The following NGFR variants were observed in gnomAD, a reference collection of about 807,000 sequenced individuals.
NGFR encodes the protein tumor necrosis factor receptor superfamily member 16.
NGFR carries 30 observed loss-of-function variants against 43.2 expected under a neutral mutation model. That is an observed-to-expected ratio of 0.69 (90% confidence interval 0.52 to 0.94). The LOEUF is 0.94. NGFR is among the 40% of genes least tolerant of loss of function. The probability of loss-of-function intolerance (pLI) is 0.00; values close to 1 mark genes in which losing one functional copy is unlikely to be tolerated. For missense variants in NGFR, 529 were observed against 602.5 expected (o/e 0.88, Z 1.28); for synonymous variants, 246 against 259.6 (o/e 0.95, Z 0.50).
chr17:49,512,941 C>T lies in NGFR; in HGVS notation c.1216C>T (p.Arg406Cys), dbSNP rs781290958. ...ATLDALLAAL[R>C]RIQRADLVES... The stretch of plus-strand genomic sequence containing the variant: ...ACTGGACGCCCTCCTGGCCGCCCTG[C>T]GCCGCATCCAGCGAGCCGACCTCGT... Residue 406 changes from arginine (R) to cysteine (C), a missense_variant, in exon 6 of 6, where the codon CGC (arginine) becomes TGC (cysteine). Transcript: ENST00000172229. This position sits in a 1 kb window ranked among gnomAD's most constrained non-coding sequence, Gnocchi z 5.2. 8 of 1,610,502 alleles carry T rather than the reference C, an allele frequency of 5.0e-6. No individual in the cohort carries two copies. The East Asian group carries it at 8.9e-5, about 18-fold the overall frequency.
At chr17:49,499,437 C>T (rs1358933618) in intron 1 of NGFR, among the ~76,000 whole-genome samples, 1 of 152,234 alleles carries the variant, frequency 6.6e-6, no homozygotes, top group Non-Finnish European at 1.5e-5. Flanking sequence ...GATGCAGGTA[C>T]TGTCATCATT....
In NGFR at chr17:49,512,944, C is replaced by G. The variant is rs769758241; in HGVS notation, c.1219C>G (p.Arg407Gly). ...GGACGCCCTCCTGGCCGCCCTGCGC[C>G]GCATCCAGCGAGCCGACCTCGTGGA... ...TLDALLAALRRIQRADLVESL... is the reference protein window; with the variant it reads ...TLDALLAALRGIQRADLVESL... The change falls in exon 6 of 6, where the codon CGC becomes GGC. Residue 407 changes from arginine (R) to glycine (G), a missense_variant. Physicochemically the swap from Arg to Gly is moderately radical, Grantham distance 125 (BLOSUM62 -2). Transcript: ENST00000172229. This position sits in a 1 kb window ranked among gnomAD's most constrained non-coding sequence, Gnocchi z 5.2. 6.2e-7 allele frequency: 1 copy of G among 1,610,200 alleles called. No individual in the cohort carries two copies. Among genetic ancestry groups the G allele is most frequent in the African/African-American group, 1.3e-5 (1 of 74,852 alleles).
intron 4 of NGFR, 118 bp downstream of exon 4, chr17:49,510,782 T>C (rs747199258): frequency 7.7e-7 from 1 of 1,297,132 alleles, no homozygotes; most frequent in Non-Finnish European, 1.1e-6. Flanking sequence ...ACCAAGCTCA[T>C]CCTCACTCAT....
In NGFR at chr17:49,506,218, T is replaced by C. The variant is rs190345815; in HGVS notation, c.209-81T>C. The C allele has an allele frequency of 1.3e-4, 193 of 1,494,076 alleles. No homozygotes were observed. The East Asian group carries it at 4.3e-3, about 33-fold the overall frequency. 92.6% of individuals were successfully genotyped at this position (1,494,076 alleles called of 1,614,324 possible). On this transcript the variant is annotated intron_variant, in intron 2 of 5. Coordinates refer to ENST00000172229, the MANE Select transcript of NGFR (RefSeq NM_002507.4). ...AGGAAGTCAGCGTCCTGGCAGGCAA[T>C]AGGGGAGGGAGAGACTCCAGCTCCT...
Position 49,506,349 on chromosome 17 carries a change from A to C in NGFR, c.259A>C (p.Thr87Pro). Reference protein sequence around the residue: ...VSATEPCKPCTECVGLQSMSA... With the variant: ...VSATEPCKPCPECVGLQSMSA... ...CGCGACCGAGCCGTGCAAGCCGTGC[A>C]CCGAGTGCGTGGGGCTCCAGAGCAT... The change falls in exon 3 of 6, where the codon ACC becomes CCC. Residue 87 changes from threonine (T) to proline (P), a missense_variant. Thr to Pro is a conservative substitution (Grantham distance 38, BLOSUM62 -1). Transcript: ENST00000172229. The C allele has an allele frequency of 1.3e-6, 2 of 1,592,244 alleles. No individual in the cohort carries two copies. The highest frequency in any genetic ancestry group is 1.7e-6 in the Non-Finnish European group (2 of 1,171,592).
rs368746503 is a variant in NGFR, at chr17:49,506,495, G to C, written c.405G>C (p.Val135=). The C allele has an allele frequency of 5.0e-5, 81 of 1,611,120 alleles. No homozygotes were observed. Among genetic ancestry groups the C allele is most frequent in the Non-Finnish European group, 6.1e-5 (72 of 1,179,488 alleles). ...TGTGCGAGGCGGGCTCGGGCCTCGT[G>C]TTCTCCTGCCAGGACAAGCAGAACA... ...CRVCEAGSGL[V]FSCQDKQNTV... Residue 135 remains valine (V), a synonymous_variant, in exon 3 of 6, where the codon GTG becomes GTC. Coordinates refer to ENST00000172229, the MANE Select transcript of NGFR (RefSeq NM_002507.4).
Position 49,502,087 on chromosome 17 carries a change from G to A in NGFR, c.91G>A (p.Ala31Thr). Residue 31 changes from alanine to threonine, a missense_variant, in exon 2 of 6, where the codon GCA (alanine) becomes ACA (threonine). Coordinates refer to ENST00000172229, the MANE Select transcript of NGFR (RefSeq NM_002507.4). ...LGVSLGGAKE[A>T]CPTGLYTHSG... ...GGTGTCCCTTGGAGGTGCCAAGGAG[G>A]CATGCCCCACAGGCCTGTACACACA... 1 of 1,591,708 alleles carries A rather than the reference G, an allele frequency of 6.3e-7. No individual in the cohort carries two copies. The highest frequency in any genetic ancestry group is 8.6e-7 in the Non-Finnish European group (1 of 1,164,052).
intron 3 of NGFR, among the ~76,000 whole-genome samples, chr17:49,507,011 T>G (rs2071203946): frequency 6.6e-6 from 1 of 152,134 alleles, no homozygotes; most frequent in Admixed American, 6.5e-5. Flanking sequence ...AGCAAGCAGC[T>G]CGAAGGTGGC....
At chr17:49,510,093 T>C (rs1422672153) in intron 3 of NGFR, among the ~76,000 whole-genome samples, 2 of 152,008 alleles carry the variant, frequency 1.3e-5, no homozygotes, top group Non-Finnish European at 1.5e-5. Flanking sequence ...TAGCCCCAGA[T>C]GGAAGGGAGC....
At position 49,502,104 on chromosome 17, in the gene NGFR, G is replaced by C; in HGVS notation, c.108G>C (p.Leu36=). 1 of 1,591,750 alleles carries C rather than the reference G, an allele frequency of 6.3e-7. No homozygotes were observed. The highest frequency in any genetic ancestry group is 8.6e-7 in the Non-Finnish European group (1 of 1,168,136). The change falls in exon 2 of 6, where the codon CTG becomes CTC. Residue 36 remains leucine, a synonymous_variant. Transcript: ENST00000172229. ...CCAAGGAGGCATGCCCCACAGGCCT[G>C]TACACACACAGCGGTGAGTGCTGCA... ...GGAKEACPTG[L]YTHSGECCKA... is the part of the protein sequence containing the mutation.
intron 1 of NGFR, 45 bp from the exon 2 acceptor site, chr17:49,502,018 C>CCCCA: frequency 7.6e-7 from 1 of 1,320,364 alleles, no homozygotes; most frequent in Non-Finnish European, 1.0e-6. Context: ...CAACCCACCC[C>CCCCA]AGCTTTCTCT....
At chr17:49,501,999 A>ATGGGGGCCCCCCCCCCC in intron 1 of NGFR, 64 bp from the exon 2 acceptor site, 1 of 330,984 alleles carries the variant, frequency 3.0e-6, no homozygotes, top group Non-Finnish European at 5.9e-6. Flanking sequence ...TCCCCGGAAG[A>ATGGGGGCCCCCCCCCCC]ACCCCCCCCA....
chr17:49,513,106 C>T lies in NGFR; in HGVS notation c.*97C>T, dbSNP rs921791556. 5.5e-5 allele frequency: 72 copies of T among 1,320,696 alleles called. No individual in the cohort carries two copies. The highest frequency in any genetic ancestry group is 6.3e-5 in the Non-Finnish European group (63 of 994,864). The allele number at this position is 1,320,696 out of a possible 1,614,324, so 81.8% of individuals were successfully genotyped here. On this transcript the variant is annotated 3_prime_UTR_variant, in exon 6 of 6. Coordinates refer to ENST00000172229, the MANE Select transcript of NGFR (RefSeq NM_002507.4). ...GCACCCCCACCCTTTGGGGGGGGCCCGCCTGGCAGAACTGAGCTCCTCTGG... is the reference window on the plus strand; with the variant it reads ...GCACCCCCACCCTTTGGGGGGGGCCTGCCTGGCAGAACTGAGCTCCTCTGG...
At position 49,514,247 on chromosome 17, in the gene NGFR, T is replaced by G. The variant is rs734194; in HGVS notation, c.*1238T>G. The G allele has an allele frequency of 0.099, 15,757 of 159,724 alleles. 927 individuals carry two copies. Among genetic ancestry groups the G allele is most frequent in the East Asian group, 0.25 (1,519 of 6,120 alleles). 9.9% of individuals were successfully genotyped at this position (159,724 alleles called of 1,614,324 possible). On this transcript the variant is annotated 3_prime_UTR_variant, in exon 6 of 6. Coordinates refer to ENST00000172229, the MANE Select transcript of NGFR (RefSeq NM_002507.4). ...ACCGAGGCTGGAGCTGGCGTCTGTCTTCAAGGGCTTACACGTGGAGGAATG... is the reference window on the plus strand; with the variant it reads ...ACCGAGGCTGGAGCTGGCGTCTGTCGTCAAGGGCTTACACGTGGAGGAATG...
intron 4 of NGFR, 33 bp from the exon 5 acceptor site, chr17:49,511,858 GC>G: frequency 6.5e-7 from 1 of 1,544,776 alleles, no homozygotes; most frequent in Non-Finnish European, 8.8e-7. Context: ...ACAGCCCCTC[GC>G]CCCCTGAAAC....
chr17:49,497,519 T>G (rs890741580), intron 1 of NGFR: 1 of 152,488 alleles, frequency 6.6e-6, no homozygotes, highest in Non-Finnish European at 1.5e-5. Context: ...GTGGAGGACC[T>G]GGGCGCTTGG....
intron 1 of NGFR, 63 bp from the exon 2 acceptor site, chr17:49,502,000 A>ACCGGGGCC: frequency 3.8e-6 from 1 of 264,886 alleles, no homozygotes; most frequent in East Asian, 8.6e-5. Context: ...CCCCGGAAGA[A>ACCGGGGCC]CCCCCCCCAA....
Position 49,513,062 on chromosome 17 carries a change from G to GCCAACCCCTGTGGAGC in NGFR, c.*56_*71dup. On this transcript the variant is annotated 3_prime_UTR_variant, in exon 6 of 6. Coordinates refer to ENST00000172229, the MANE Select transcript of NGFR (RefSeq NM_002507.4). ...CCACATTCCGACAACCGATGCTCCA[G>GCCAACCCCTGTGGAGC]CCAACCCCTGTGGAGCCCGCACCCC... is the stretch of plus-strand genomic sequence containing the variant. The GCCAACCCCTGTGGAGC allele has an allele frequency of 6.9e-7, 1 of 1,454,938 alleles. No homozygotes were observed. The highest frequency in any genetic ancestry group is 9.1e-7 in the Non-Finnish European group (1 of 1,102,250). The allele number at this position is 1,454,938 out of a possible 1,614,324, so 90.1% of individuals were successfully genotyped here. A position where few individuals can be genotyped will look rare whatever the true frequency, so the allele number is the denominator to read the frequency against.
At position 49,510,635 on chromosome 17, in the gene NGFR, G is replaced by A; in HGVS notation, c.792G>A (p.Val264=). 1 of 1,613,892 alleles carries A rather than the reference G, an allele frequency of 6.2e-7. No individual in the cohort carries two copies. The highest frequency in any genetic ancestry group is 8.5e-7 in the Non-Finnish European group (1 of 1,179,936). Residue 264 remains valine (V), a synonymous_variant, in exon 4 of 6, where the codon GTG becomes GTA. Coordinates refer to ENST00000172229, the MANE Select transcript of NGFR (RefSeq NM_002507.4). ...GCTCCATCCTGGCTGCTGTGGTTGT[G>A]GGCCTTGTGGCCTACATAGCCTTCA... ...VYCSILAAVV[V]GLVAYIAFKR...
Sources: allele counts gnomAD v4.1 joint callset (sites outside exome capture counted in the v4.1 genomes callset), GRCh38; gene constraint gnomAD v4.1.1; non-coding constraint Gnocchi (gnomAD v3.1); transcripts MANE v1.5; gene names NCBI Gene and HGNC (gene_info 2026-07-23, HGNC 2026-07-21).